ANKRD28: variants seen among roughly 807,000 people sequenced by gnomAD.
ANKRD28 encodes serine/threonine-protein phosphatase 6 regulatory ankyrin repeat subunit A.
Under a neutral mutation model 126.5 loss-of-function variants are expected in ANKRD28, and 44 were observed. That is an observed-to-expected ratio of 0.35 (90% confidence interval 0.27 to 0.45). The LOEUF is 0.45. Ranked by LOEUF, ANKRD28 falls within the 20% of genes least tolerant of loss-of-function variation. The pLI, the probability that ANKRD28 is intolerant of heterozygous loss-of-function variation, is 1.00. For missense variants in ANKRD28, 1,110 were observed against 1,316.6 expected (o/e 0.84, Z 2.43); for synonymous variants, 442 against 468.5 (o/e 0.94, Z 0.73).
intron 4 of ANKRD28, among the ~76,000 whole-genome samples, chr3:15,739,502 T>C (rs1162904278): frequency 1.3e-5 from 2 of 152,186 alleles, no homozygotes; most frequent in Non-Finnish European, 2.9e-5. Flanking sequence ...TGGGTTCTCA[T>C]GTCAATTCTA....
At chr3:15,775,293 T>C (rs894332349) in intron 2 of ANKRD28, among the ~76,000 whole-genome samples, 2 of 152,238 alleles carry the variant, frequency 1.3e-5, no homozygotes, top group Admixed American at 6.5e-5. Context: ...CATACAACTA[T>C]GTAGGAGGAA....
chr3:15,765,829 A>AT (rs1346240068), intron 3 of ANKRD28, among the ~76,000 whole-genome samples: 1 of 136,718 alleles, frequency 7.3e-6, no homozygotes, highest in Non-Finnish European at 1.6e-5. Context: ...GCGAGACTCC[A>AT]TCTCAAAAAC....
chr3:15,680,944 G>A (rs2067475137), intron 21 of ANKRD28, among the ~76,000 whole-genome samples: 1 of 152,190 alleles, frequency 6.6e-6, no homozygotes, highest in African/African-American at 2.4e-5. Flanking sequence ...TGGGATTACA[G>A]GCATAAGCCA....
chr3:15,735,448 T>C lies in ANKRD28; in HGVS notation c.602A>G (p.Lys201Arg). 1 of 1,560,976 alleles carries C rather than the reference T, an allele frequency of 6.4e-7. No homozygotes were observed. The highest frequency in any genetic ancestry group is 1.2e-5 in the South Asian group (1 of 84,586). The change falls in exon 6 of 28, where the codon AAG becomes AGG. Residue 201 changes from lysine to arginine, a missense_variant. Lys to Arg is a conservative substitution (Grantham distance 26). Coordinates refer to ENST00000683139, the MANE Select transcript of ANKRD28 (RefSeq NM_001349278.2). ...SRGANINAFD[K>R]KDRRAIHWAA... ...CCAATGGATAGCACGCCTATCTTTC[T>C]TGTCAAAAGCATTAATATTGGCACC...
chr3:15,736,996 GGAGA>G (rs1206945231), intron 5 of ANKRD28, 33 bp downstream of exon 5: 1 of 1,599,776 alleles, frequency 6.3e-7, no homozygotes, highest in Non-Finnish European at 8.6e-7. Flanking sequence ...GTGGACAGGA[GGAGA>G]GAAAAATAAT....
chr3:15,768,891 C>CA (rs1361585409), intron 2 of ANKRD28, among the ~76,000 whole-genome samples: 1 of 152,100 alleles, frequency 6.6e-6, no homozygotes, highest in Non-Finnish European at 1.5e-5. Flanking sequence ...TATACCACCC[C>CA]AGGAAACAGA....
chr3:15,777,992 T>A (rs2059376744), intron 2 of ANKRD28, among the ~76,000 whole-genome samples: 1 of 152,164 alleles, frequency 6.6e-6, no homozygotes, highest in Non-Finnish European at 1.5e-5. Context: ...GGCTATGTTT[T>A]CTTTATATTC....
chr3:15,832,897 T>A (rs2061236152), intron 1 of ANKRD28, among the ~76,000 whole-genome samples: 1 of 152,228 alleles, frequency 6.6e-6, no homozygotes. Context: ...AACATACCAG[T>A]GTAGATACCT....
chr3:15,795,430 C>T (rs1575713235), intron 1 of ANKRD28, 124 bp from the exon 2 acceptor site: 1 of 568,170 alleles, frequency 1.8e-6, no homozygotes, highest in African/African-American at 1.9e-5. Context: ...TGACATTAGC[C>T]AGAAGTTTCA....
intron 6 of ANKRD28, among the ~76,000 whole-genome samples, chr3:15,726,888 CCCACATGAATTATGCTAAAT>C (rs1478184504): frequency 6.6e-6 from 1 of 152,190 alleles, no homozygotes; most frequent in African/African-American, 2.4e-5. Flanking sequence ...AATTCTACAG[CCCACATGAATTATGCTAAAT>C]CCACTTTGCC....
intron 1 of ANKRD28, among the ~76,000 whole-genome samples, chr3:15,808,591 A>C (rs1446093164): frequency 6.6e-6 from 1 of 152,198 alleles, no homozygotes; most frequent in Non-Finnish European, 1.5e-5. Flanking sequence ...TAATGGGAAG[A>C]CCTTGTAGTT....
At chr3:15,756,850 C>A (rs959638603) in intron 3 of ANKRD28, among the ~76,000 whole-genome samples, 1 of 152,204 alleles carries the variant, frequency 6.6e-6, no homozygotes, top group Non-Finnish European at 1.5e-5. Flanking sequence ...AGATTTCATT[C>A]TGCAAGACAA....
chr3:15,726,721 A>C (rs1266983027), intron 6 of ANKRD28, among the ~76,000 whole-genome samples: 1 of 152,272 alleles, frequency 6.6e-6, no homozygotes, highest in Admixed American at 6.5e-5. Context: ...TTTTCAATGC[A>C]GATGAAACGG....
intron 2 of ANKRD28, among the ~76,000 whole-genome samples, chr3:15,787,935 T>A (rs1158251467): frequency 6.6e-6 from 1 of 152,200 alleles, no homozygotes; most frequent in Non-Finnish European, 1.5e-5. Flanking sequence ...TATATCTAAA[T>A]TCAGAAGCCA....
In ANKRD28 at chr3:15,696,251, T is replaced by C. The variant is rs2125892675; in HGVS notation, c.1548-6A>G. The C allele has an allele frequency of 6.6e-7, 1 of 1,507,006 alleles. No homozygotes were observed. The highest frequency in any genetic ancestry group is 1.2e-5 in the South Asian group (1 of 84,206). The allele number at this position is 1,507,006 out of a possible 1,614,324, so 93.4% of individuals were successfully genotyped here. A position where few individuals can be genotyped will look rare whatever the true frequency, so the allele number is the denominator to read the frequency against. ...TTAATAAGTATTCCAGGCACCTATA[T>C]ACAACAACAACAACATACTGAAAAT... On this transcript the variant is annotated splice_region_variant and splice_polypyrimidine_tract_variant and intron_variant, in intron 14 of 27. Coordinates refer to ENST00000683139, the MANE Select transcript of ANKRD28 (RefSeq NM_001349278.2).
chr3:15,841,890 T>C (rs1489182309), intron 1 of ANKRD28, among the ~76,000 whole-genome samples: 3 of 151,916 alleles, frequency 2.0e-5, no homozygotes, highest in Admixed American at 2.0e-4. Context: ...AAACTAAAAA[T>C]GGCACTAGCA....
At chr3:15,792,450 G>C (rs1403847311) in intron 2 of ANKRD28, among the ~76,000 whole-genome samples, 1 of 152,058 alleles carries the variant, frequency 6.6e-6, no homozygotes, top group African/African-American at 2.4e-5. Flanking sequence ...TATGTTAACC[G>C]AAATAAGGCA....
rs894891160 is a variant in ANKRD28 at position 15,814,969 on chromosome 3, A to C, written c.28-19663T>G. 6.6e-6 allele frequency among the ~76,000 whole-genome samples: 1 copy of C among 151,102 alleles called. No homozygotes were observed. On this transcript the variant is annotated intron_variant, in intron 1 of 27. Transcript: ENST00000399451. The surrounding 1 kb of genome is among the most constrained non-coding windows in gnomAD (Gnocchi z 4.7). ...AACTTGCTTGTCTCCATCACTCCTC[A>C]TTTAACAATGTGGACCTTAAATATT...
At chr3:15,852,622 A>G (rs373424538) in intron 1 of ANKRD28, among the ~76,000 whole-genome samples, 14 of 151,962 alleles carry the variant, frequency 9.2e-5, no homozygotes, top group African/African-American at 3.1e-4. Flanking sequence ...TCACGAGGTC[A>G]GGAGATCGAG....
Sources: gnomAD v4.1 joint callset for allele counts (sites outside exome capture counted in the v4.1 genomes callset) on GRCh38, gnomAD v4.1.1 for gene constraint, Gnocchi (gnomAD v3.1) non-coding constraint, MANE v1.5 for transcripts, NCBI Gene and HGNC (gene_info 2026-07-23, HGNC 2026-07-21) for gene names.